The following TRIP13 variants were observed in gnomAD, a reference collection of about 807,000 sequenced individuals.
TRIP13 encodes the protein thyroid hormone receptor interactor 13.
Under a neutral mutation model 54.4 loss-of-function variants are expected in TRIP13, and 25 were observed. The observed-to-expected ratio is 0.46, with a 90% CI of 0.33 to 0.64. TRIP13 has a LOEUF of 0.64. Among genes scored for constraint, TRIP13 ranks in the 30% least tolerant of loss-of-function variants. The probability of loss-of-function intolerance (pLI) is 0.02; values close to 1 mark genes in which losing one functional copy is unlikely to be tolerated. For synonymous variants in TRIP13, 207 were observed against 207.8 expected, an observed-to-expected ratio of 1.00 and a Z score of 0.03; for missense variants, 373 against 534.2, an observed-to-expected ratio of 0.70 and a Z score of 2.97.
chr5:916,517 C>G (rs1560951788), intron 12 of TRIP13, among the ~76,000 whole-genome samples: 1 of 152,238 alleles, frequency 6.6e-6, no homozygotes, highest in Non-Finnish European at 1.5e-5. Flanking sequence ...GACTCAGGCT[C>G]TGTCTGATCA....
At chr5:895,826 C>G (rs1456750288) in intron 2 of TRIP13, among the ~76,000 whole-genome samples, 1 of 152,174 alleles carries the variant, frequency 6.6e-6, no homozygotes, top group Non-Finnish European at 1.5e-5. Flanking sequence ...TCTTTCTGAA[C>G]AGATGTTTGT....
At chr5:894,047 TC>T (rs1376945267) in intron 1 of TRIP13, among the ~76,000 whole-genome samples, 1 of 152,062 alleles carries the variant, frequency 6.6e-6, no homozygotes, top group African/African-American at 2.4e-5. Flanking sequence ...GCACCAGAGT[TC>T]ATAGACACCT....
Position 900,482 on chromosome 5 carries a change from A to G in TRIP13, c.389-12A>G. 1 of 1,613,202 alleles carries G rather than the reference A, an allele frequency of 6.2e-7. No individual in the cohort carries two copies. The highest frequency in any genetic ancestry group is 8.5e-7 in the Non-Finnish European group (1 of 1,179,816). ...CTTCCTGAAATCAGGTCTTTGTTTA[A>G]TTCTGTCACAGCTGAATTCCATGGG... On this transcript the variant is annotated splice_polypyrimidine_tract_variant and intron_variant, in intron 3 of 12. Transcript: ENST00000166345.
At chr5:902,589 A>G (rs552061309) in intron 5 of TRIP13, among the ~76,000 whole-genome samples, 1 of 152,290 alleles carries the variant, frequency 6.6e-6, no homozygotes, top group East Asian at 1.9e-4. Context: ...CATCTTTTGT[A>G]GGGTCCAGCC....
In TRIP13 at chr5:911,966, C is replaced by A; in HGVS notation, c.990C>A (p.Ile330=). 1 of 1,613,322 alleles carries A rather than the reference C, an allele frequency of 6.2e-7. No homozygotes were observed. The change falls in exon 10 of 13, where the codon ATC becomes ATA. Residue 330 remains isoleucine, a synonymous_variant. Transcript: ENST00000166345. The surrounding 1 kb of genome is among the most constrained non-coding windows in gnomAD (Gnocchi z 4.7). ...CCTCTGCAGCAGCCATCTTCAAAAT[C>A]TACCTCTCTTGTTTGGAAGAACTGA... The part of the protein sequence containing the change: ...GPPSAAAIFK[I]YLSCLEELMK...
In TRIP13 at chr5:913,273, G is replaced by C. The variant is rs1410244689; in HGVS notation, c.1021-1192G>C. Among the ~76,000 whole-genome samples the C allele has an allele frequency of 6.6e-6, 1 of 152,188 alleles. No individual in the cohort carries two copies. The highest frequency in any genetic ancestry group is 2.4e-5 in the African/African-American group (1 of 41,446). ...GTGACGTTTATACACTTGTACACTCGTGCTGTGAATCCAGGGGCTGTTTAA... is the reference window on the plus strand; with the variant it reads ...GTGACGTTTATACACTTGTACACTCCTGCTGTGAATCCAGGGGCTGTTTAA... On this transcript the variant is annotated intron_variant, in intron 10 of 12. Transcript: ENST00000166345. This position sits in a 1 kb window ranked among gnomAD's most constrained non-coding sequence, Gnocchi z 4.5.
chr5:912,740 C>T lies in TRIP13; in HGVS notation c.1020+744C>T, dbSNP rs572869811. Reference sequence around the variant, plus strand: ...GGAACGCCGTCGCCATGGGCAGTGACGCTGCGGTGTGTGTGAGTCAGGCTA... The same window carrying T: ...GGAACGCCGTCGCCATGGGCAGTGATGCTGCGGTGTGTGTGAGTCAGGCTA... On this transcript the variant is annotated intron_variant, in intron 10 of 12. Coordinates refer to ENST00000166345, the MANE Select transcript of TRIP13 (RefSeq NM_004237.4). The surrounding 1 kb of genome is among the most constrained non-coding windows in gnomAD (Gnocchi z 7.2). 8.5e-5 allele frequency among the ~76,000 whole-genome samples: 13 copies of T among 152,078 alleles called. No individual in the cohort carries two copies. The highest frequency in any genetic ancestry group is 5.2e-4 in the Admixed American group (8 of 15,272).
At position 908,661 on chromosome 5, in the gene TRIP13, TA is replaced by T; in HGVS notation, c.866+205del. On this transcript the variant is annotated intron_variant, in intron 9 of 12. Coordinates refer to ENST00000166345, the MANE Select transcript of TRIP13 (RefSeq NM_004237.4). The surrounding 1 kb of genome is among the most constrained non-coding windows in gnomAD (Gnocchi z 5.2). Reference sequence around the variant, plus strand: ...TTTAAAGAAATTGTTTTTAGTGTGTTAAAAATGTAATAGAAGGCCAGGCGCG... The same window carrying T: ...TTTAAAGAAATTGTTTTTAGTGTGTTAAAATGTAATAGAAGGCCAGGCGCG... The T allele has an allele frequency of 7.1e-7, 1 of 1,400,110 alleles. No homozygotes were observed. Among genetic ancestry groups the T allele is most frequent in the Non-Finnish European group, 9.3e-7 (1 of 1,074,354 alleles). The allele number at this position is 1,400,110 out of a possible 1,614,324, so 86.7% of individuals were successfully genotyped here.
At chr5:911,000 T>G (rs991304161) in intron 9 of TRIP13, among the ~76,000 whole-genome samples, 12 of 152,220 alleles carry the variant, frequency 7.9e-5, no homozygotes, top group Admixed American at 7.9e-4. Flanking sequence ...CTGCCACATG[T>G]GCAGCCACGC....
At chr5:893,123 C>T in intron 1 of TRIP13, 33 bp downstream of exon 1, 2 of 1,541,196 alleles carry the variant, frequency 1.3e-6, no homozygotes, top group Non-Finnish European at 1.7e-6. Flanking sequence ...ATCCTCTGGG[C>T]ACCCACCCGC....
At position 907,306 on chromosome 5, in the gene TRIP13, G is replaced by T; in HGVS notation, c.672+113G>T. The T allele has an allele frequency of 1.0e-6, 1 of 962,274 alleles. No homozygotes were observed. The highest frequency in any genetic ancestry group is 1.6e-6 in the Non-Finnish European group (1 of 624,444). The allele number at this position is 962,274 out of a possible 1,614,324, so 59.6% of individuals were successfully genotyped here. A position where few individuals can be genotyped will look rare whatever the true frequency, so the allele number is the denominator to read the frequency against. ...CAGGAGAGAACTGGGTGGGAAGGGT[G>T]TGTGAGGATTGGGGCTGACTGTGAT... On this transcript the variant is annotated intron_variant, in intron 7 of 12. Transcript: ENST00000166345. This position sits in a 1 kb window ranked among gnomAD's most constrained non-coding sequence, Gnocchi z 4.1.
chr5:905,875 A>G (rs1246685520), intron 6 of TRIP13, among the ~76,000 whole-genome samples: 1 of 152,260 alleles, frequency 6.6e-6, no homozygotes, highest in African/African-American at 2.4e-5. Context: ...ATGTTTAGCA[A>G]CTTGCCCTTT....
At chr5:903,105 G>A (rs1754030522) in intron 5 of TRIP13, among the ~76,000 whole-genome samples, 1 of 152,086 alleles carries the variant, frequency 6.6e-6, no homozygotes, top group African/African-American at 2.4e-5. Flanking sequence ...CTCCACAAGA[G>A]GTGGAGGGGT....
intron 1 of TRIP13, 36 bp downstream of exon 1, chr5:893,126 C>G (rs975295909): frequency 2.0e-6 from 3 of 1,534,124 alleles, no homozygotes; most frequent in Non-Finnish European, 2.6e-6. Context: ...CTCTGGGCAC[C>G]CACCCGCCCC....
rs928152003 is a variant in TRIP13, at chr5:915,709, G to C, written c.1134-195G>C. ...GGGGAGAGACCGGCCCCATACGAGA[G>C]GCCGGGGGCAAAGAGACATTCAGAG... is the stretch of plus-strand genomic sequence containing the variant. On this transcript the variant is annotated intron_variant, in intron 11 of 12. Transcript: ENST00000166345. The surrounding 1 kb of genome is among the most constrained non-coding windows in gnomAD (Gnocchi z 4.2). Among the ~76,000 whole-genome samples, 1 of 152,204 alleles carries C rather than the reference G, an allele frequency of 6.6e-6. No individual in the cohort carries two copies. Among genetic ancestry groups the C allele is most frequent in the African/African-American group, 2.4e-5 (1 of 41,452 alleles).
chr5:915,143 C>T lies in TRIP13; in HGVS notation c.1133+566C>T, dbSNP rs756895819. ...TGGCAAGAATGTGGAAGGCTTTAAA[C>T]AAGGGATAACATGAAGAATGTAGTA... is the stretch of plus-strand genomic sequence containing the variant. On this transcript the variant is annotated intron_variant, in intron 11 of 12. Coordinates refer to ENST00000166345, the MANE Select transcript of TRIP13 (RefSeq NM_004237.4). The surrounding 1 kb of genome is among the most constrained non-coding windows in gnomAD (Gnocchi z 4.2). 3.9e-5 allele frequency among the ~76,000 whole-genome samples: 6 copies of T among 152,286 alleles called. No homozygotes were observed. Among genetic ancestry groups the T allele is most frequent in the Non-Finnish European group, 7.4e-5 (5 of 68,024 alleles).
At position 915,980 on chromosome 5, in the gene TRIP13, C is replaced by T; in HGVS notation, c.1203+7C>T. ...TCATGCGCTGTATGTCCAGGTGAGTCTCCACTGCTGTCCTCCAGCACCCGC... is the reference window on the plus strand; with the variant it reads ...TCATGCGCTGTATGTCCAGGTGAGTTTCCACTGCTGTCCTCCAGCACCCGC... On this transcript the variant is annotated splice_region_variant and intron_variant, in intron 12 of 12. Transcript: ENST00000166345. The surrounding 1 kb of genome is among the most constrained non-coding windows in gnomAD (Gnocchi z 4.2). The T allele has an allele frequency of 6.2e-7, 1 of 1,613,974 alleles. No homozygotes were observed.
Position 918,066 on chromosome 5 carries a change from G to A in TRIP13, c.*963G>A, listed in dbSNP as rs1754371915. ...TAGAATTTTCTTGTTTTGATTCTAA[G>A]TATCTCTTCCAAGTGCTTTTAATTT... is the stretch of plus-strand genomic sequence containing the variant. On this transcript the variant is annotated 3_prime_UTR_variant, in exon 13 of 13. Coordinates refer to ENST00000166345, the MANE Select transcript of TRIP13 (RefSeq NM_004237.4). This position sits in a 1 kb window ranked among gnomAD's most constrained non-coding sequence, Gnocchi z 4.3. The A allele has an allele frequency of 6.6e-6, 1 of 152,134 alleles. No individual in the cohort carries two copies. 9.4% of individuals were successfully genotyped at this position (152,134 alleles called of 1,614,324 possible).
Position 892,916 on chromosome 5 carries a change from A to G in TRIP13, c.-83A>G. ...AAGCTAGGGCGGGGCCCGCGGGCTG[A>G]GGCAGCGGCTGTGGCGGCGACGCTG... On this transcript the variant is annotated 5_prime_UTR_variant, in exon 1 of 13. Coordinates refer to ENST00000166345, the MANE Select transcript of TRIP13 (RefSeq NM_004237.4). 7.7e-7 allele frequency: 1 copy of G among 1,305,002 alleles called. No homozygotes were observed. The highest frequency in any genetic ancestry group is 1.0e-6 in the Non-Finnish European group (1 of 995,436). The allele number at this position is 1,305,002 out of a possible 1,614,324, so 80.8% of individuals were successfully genotyped here. A position where few individuals can be genotyped will look rare whatever the true frequency, so the allele number is the denominator to read the frequency against.
Sources: gnomAD v4.1 joint callset for allele counts (sites outside exome capture counted in the v4.1 genomes callset) on GRCh38, gnomAD v4.1.1 for gene constraint, Gnocchi (gnomAD v3.1) non-coding constraint, MANE v1.5 for transcripts, NCBI Gene and HGNC (gene_info 2026-07-23, HGNC 2026-07-21) for gene names.